The following CCDC180 variants were observed in gnomAD, a reference collection of about 807,000 sequenced individuals.
The protein encoded by CCDC180 is coiled-coil domain containing 180.
CCDC180 carries 154 observed loss-of-function variants against 209.2 expected under a neutral mutation model. The ratio of observed to expected loss-of-function variants is 0.74; its 90% CI spans 0.65 to 0.84. The LOEUF is 0.84. CCDC180 is among the 40% of genes least tolerant of loss of function. The pLI is 0.00. For missense variants in CCDC180, 1,874 were observed against 1,997.3 expected (o/e 0.94, Z 1.18); for synonymous variants, 778 against 749.1 (o/e 1.04, Z -0.63).
At chr9:97,356,026 G>A (rs908851837) in intron 24 of CCDC180, among the ~76,000 whole-genome samples, 27 of 152,156 alleles carry the variant, frequency 1.8e-4, no homozygotes, top group African/African-American at 6.5e-4. Context: ...TGGGGGTCCT[G>A]GCTGCTGACC....
At position 97,328,045 on chromosome 9, in the gene CCDC180, A is replaced by G; in HGVS notation, c.1687A>G (p.Thr563Ala). ...GTATGAATGTTTTCACACCCTCCTG[A>G]CAAAGGAAGTGATGGAGTACCCAGC... ...SRYECFHTLL[T>A]KEVMEYPAIM... Residue 563 changes from threonine (T) to alanine (A), a missense_variant, in exon 16 of 37, where the codon ACA (threonine) becomes GCA (alanine). Thr to Ala is a moderately conservative substitution (Grantham distance 58, BLOSUM62 0). Transcript: ENST00000529487. 2 of 1,613,956 alleles carry G rather than the reference A, an allele frequency of 1.2e-6. No homozygotes were observed. Among genetic ancestry groups the G allele is most frequent in the Admixed American group, 3.3e-5 (2 of 60,000 alleles).
intron 18 of CCDC180, among the ~76,000 whole-genome samples, chr9:97,342,469 A>AGGGT (rs753048774): frequency 1.4e-3 from 206 of 152,264 alleles, no homozygotes; most frequent in African/African-American, 4.8e-3. Flanking sequence ...TAGTAGAGAC[A>AGGGT]GGGTTTCACC....
At chr9:97,310,697 G>A (rs529608311) in intron 3 of CCDC180, among the ~76,000 whole-genome samples, 2 of 152,230 alleles carry the variant, frequency 1.3e-5, no homozygotes, top group African/African-American at 4.8e-5. Context: ...TTGGGGCAGG[G>A]ACAGACCCCT....
chr9:97,363,970 C>G, intron 28 of CCDC180, 81 bp from the exon 29 acceptor site: 1 of 1,408,830 alleles, frequency 7.1e-7, no homozygotes, highest in Non-Finnish European at 9.9e-7. Flanking sequence ...CTCCAGAAAC[C>G]CAGGCAGGGA....
chr9:97,316,577 G>A (rs1020187270), intron 8 of CCDC180, among the ~76,000 whole-genome samples: 1 of 152,200 alleles, frequency 6.6e-6, no homozygotes, highest in Non-Finnish European at 1.5e-5. Context: ...CCACGCCCAT[G>A]CCAGGGGTGC....
intron 8 of CCDC180, 36 bp downstream of exon 8, chr9:97,314,982 G>T: frequency 6.5e-7 from 1 of 1,549,064 alleles, no homozygotes; most frequent in South Asian, 1.1e-5. Flanking sequence ...CAGCCCATGG[G>T]AGAAGGGGCA....
chr9:97,362,465 C>A, intron 28 of CCDC180, 24 bp downstream of exon 28: 1 of 1,605,272 alleles, frequency 6.2e-7, no homozygotes, highest in South Asian at 1.1e-5. Context: ...CAGCCAGAAT[C>A]GCCCCTTCCC....
At chr9:97,320,957 C>A (rs1833337789) in intron 11 of CCDC180, among the ~76,000 whole-genome samples, 1 of 152,146 alleles carries the variant, frequency 6.6e-6, no homozygotes, top group Admixed American at 6.5e-5. Context: ...AACTGTACTT[C>A]AGATTTTGAA....
At chr9:97,348,259 G>T (rs1174417768) in intron 20 of CCDC180, among the ~76,000 whole-genome samples, 1 of 152,192 alleles carries the variant, frequency 6.6e-6, no homozygotes. Context: ...TATTCCTGGA[G>T]CAGGGAAAGA....
At chr9:97,365,769 G>A (rs1209666682) in intron 30 of CCDC180, 30 bp downstream of exon 30, 1 of 1,606,926 alleles carries the variant, frequency 6.2e-7, no homozygotes, top group African/African-American at 1.3e-5. Context: ...GCCTGTGCCT[G>A]CCCTGGAAAC....
In CCDC180 at chr9:97,330,695, G is replaced by GGAGGAA. The variant is rs868344274; in HGVS notation, c.2207_2208insAGAGGA (p.Glu735_Glu736dup). On this transcript the variant is annotated inframe_insertion, in exon 18 of 37. Transcript: ENST00000529487. The stretch of plus-strand genomic sequence containing the variant: ...AAGATGAGAAGGAGGAAGAGGAGGA[G>GGAGGAA]GAGGAGAAGCTGGAGGAAGAGAAGG... 4.3e-6 allele frequency: 7 copies of GGAGGAA among 1,609,434 alleles called. No individual in the cohort carries two copies. Among genetic ancestry groups the GGAGGAA allele is most frequent in the Non-Finnish European group, 5.1e-6 (6 of 1,179,318 alleles).
In CCDC180 at chr9:97,313,332, C is replaced by G; in HGVS notation, c.446C>G (p.Ala149Gly). Reference protein sequence around the residue: ...SALASFQEEIAQVGKEMEPLI... With the variant: ...SALASFQEEIGQVGKEMEPLI... The stretch of plus-strand genomic sequence containing the variant: ...CTGGCCAGCTTTCAGGAGGAGATTG[C>G]GCAGGTGGGAAAGGTGAGAATCCTC... Residue 149 changes from alanine (A) to glycine (G), a missense_variant, in exon 5 of 37, where the codon GCG becomes GGG. Coordinates refer to ENST00000529487, the MANE Select transcript of CCDC180 (RefSeq NM_020893.6). 6.2e-7 allele frequency: 1 copy of G among 1,609,142 alleles called. No homozygotes were observed. The highest frequency in any genetic ancestry group is 8.5e-7 in the Non-Finnish European group (1 of 1,176,218).
chr9:97,349,578 A>G (rs944316436), intron 21 of CCDC180, among the ~76,000 whole-genome samples: 2 of 152,244 alleles, frequency 1.3e-5, no homozygotes, highest in Admixed American at 6.5e-5. Flanking sequence ...ACTTCCCCTC[A>G]GGAAAAATCA....
intron 18 of CCDC180, among the ~76,000 whole-genome samples, chr9:97,339,972 C>T (rs990883506): frequency 2.6e-5 from 4 of 152,192 alleles, no homozygotes; most frequent in African/African-American, 7.2e-5. Context: ...CTTGCGCATG[C>T]GTCACGTAGT....
rs1278880280 is a variant in CCDC180, at chr9:97,376,970, C to T, written c.*76C>T. 14 of 1,504,964 alleles carry T rather than the reference C, an allele frequency of 9.3e-6. No individual in the cohort carries two copies. The highest frequency in any genetic ancestry group is 5.4e-5 in the Admixed American group (3 of 55,904). 93.2% of individuals were successfully genotyped at this position (1,504,964 alleles called of 1,614,324 possible). A position where few individuals can be genotyped will look rare whatever the true frequency, so the allele number is the denominator to read the frequency against. ...TCCATCTACCTGCCTACCTACTTTC[C>T]GTCCATCCCTCCCTCCCTTCATCCC... On this transcript the variant is annotated 3_prime_UTR_variant, in exon 37 of 37. Coordinates refer to ENST00000529487, the MANE Select transcript of CCDC180 (RefSeq NM_020893.6).
chr9:97,367,153 T>A (rs1359831691), intron 31 of CCDC180, among the ~76,000 whole-genome samples: 1 of 152,210 alleles, frequency 6.6e-6, no homozygotes. Context: ...ACTTCCTTAT[T>A]CTTTACTTTC....
chr9:97,374,486 C>T lies in CCDC180; in HGVS notation c.4601-57C>T. The stretch of plus-strand genomic sequence containing the variant: ...TTCTAAGTGTAATGCCAGGGGAAAT[C>T]CCTCGATCTCAGGCTGTCGGTGAGG... On this transcript the variant is annotated intron_variant, in intron 34 of 36. Transcript: ENST00000529487. The T allele has an allele frequency of 2.2e-6, 3 of 1,348,324 alleles. No homozygotes were observed. In the South Asian group the frequency reaches 3.7e-5, roughly 16 times the overall value. The allele number at this position is 1,348,324 out of a possible 1,614,324, so 83.5% of individuals were successfully genotyped here.
chr9:97,339,633 G>A (rs1267961189), intron 18 of CCDC180, among the ~76,000 whole-genome samples: 2 of 152,128 alleles, frequency 1.3e-5, no homozygotes, highest in Non-Finnish European at 2.9e-5. Context: ...ACAATTGTGT[G>A]TCTTGGGGTT....
At position 97,364,058 on chromosome 9, in the gene CCDC180, C is replaced by T. The variant is rs145961145; in HGVS notation, c.3910C>T (p.Pro1304Ser). 59 of 1,614,042 alleles carry T rather than the reference C, an allele frequency of 3.7e-5. 1 individual carries two copies. Among genetic ancestry groups the T allele is most frequent in the Middle Eastern group, 1.6e-4 (1 of 6,082 alleles). Residue 1304 changes from proline (P) to serine (S), a missense_variant, in exon 29 of 37, where the codon CCG becomes TCG. Physicochemically the swap from Pro to Ser is moderately conservative, Grantham distance 74 (BLOSUM62 -1). Transcript: ENST00000529487. ...ASATSAGSFT[P>S]HPKPNKMERK... ...CCCACCTTTGTCCCACAGCTTCACA[C>T]CGCACCCCAAGCCCAACAAAATGGA... is the stretch of plus-strand genomic sequence containing the variant.
Sources: gnomAD v4.1 joint callset for allele counts (sites outside exome capture counted in the v4.1 genomes callset) on GRCh38, gnomAD v4.1.1 for gene constraint, MANE v1.5 for transcripts, NCBI Gene and HGNC (gene_info 2026-07-23, HGNC 2026-07-21) for gene names.